The following ISM1 variants were observed in gnomAD, a reference collection of about 807,000 sequenced individuals.
ISM1 encodes isthmin 1.
A neutral mutation model predicts 46.3 loss-of-function variants in ISM1; 25 were observed. The ratio of observed to expected loss-of-function variants is 0.54; its 90% CI spans 0.39 to 0.75. ISM1 has a LOEUF of 0.75. Ranked by LOEUF, ISM1 falls within the 30% of genes least tolerant of loss-of-function variation. The probability of loss-of-function intolerance (pLI) is 0.00; values close to 1 mark genes in which losing one functional copy is unlikely to be tolerated. For missense variants in ISM1, 536 were observed against 625.4 expected (o/e 0.86, Z 1.52); for synonymous variants, 255 against 256.7 (o/e 0.99, Z 0.06).
chr20:13,292,066 C>G (rs1046747743), intron 4 of ISM1, among the ~76,000 whole-genome samples: 2 of 152,196 alleles, frequency 1.3e-5, no homozygotes, highest in African/African-American at 4.8e-5. Flanking sequence ...GTTTGTCACC[C>G]TGACACCATC....
chr20:13,251,576 A>G (rs1263833632), intron 1 of ISM1, among the ~76,000 whole-genome samples: 2 of 152,180 alleles, frequency 1.3e-5, no homozygotes, highest in African/African-American at 4.8e-5. Flanking sequence ...GCAGGGAGCA[A>G]GGGGACCAGC....
At chr20:13,224,345 G>A (rs974438107) in intron 1 of ISM1, among the ~76,000 whole-genome samples, 4 of 152,168 alleles carry the variant, frequency 2.6e-5, no homozygotes. Flanking sequence ...AGAATGTTCT[G>A]CCAAATGAGG....
At chr20:13,295,573 C>T (rs1410519037) in intron 5 of ISM1, among the ~76,000 whole-genome samples, 1 of 152,152 alleles carries the variant, frequency 6.6e-6, no homozygotes, top group African/African-American at 2.4e-5. Flanking sequence ...TTAGACACCT[C>T]CAAGACCCAG....
At chr20:13,227,033 T>C (rs563827650) in intron 1 of ISM1, among the ~76,000 whole-genome samples, 1 of 152,232 alleles carries the variant, frequency 6.6e-6, no homozygotes, top group South Asian at 2.1e-4. Context: ...GGTGACTGTA[T>C]TTTTATCAAG....
the ISM1 span, among the ~76,000 whole-genome samples, chr20:13,322,534 G>C: frequency 1.3e-5 from 2 of 152,156 alleles, no homozygotes; most frequent in Non-Finnish European, 2.9e-5. Context: ...CAAAGCTTTT[G>C]CTTTGTTTCT....
At chr20:13,313,250 C>G in the ISM1 span, among the ~76,000 whole-genome samples, 1,310 of 152,314 alleles carry the variant, frequency 8.6e-3, 26 homozygotes, top group African/African-American at 0.03. Context: ...AATTTCCCCC[C>G]ACACGCACCT....
At chr20:13,260,198 T>C (rs917891919) in intron 1 of ISM1, among the ~76,000 whole-genome samples, 3 of 152,352 alleles carry the variant, frequency 2.0e-5, no homozygotes, top group Middle Eastern at 3.4e-3. Flanking sequence ...TCTTCACCTC[T>C]GGCCATATGT....
the ISM1 span, among the ~76,000 whole-genome samples, chr20:13,306,402 A>C: frequency 6.6e-6 from 1 of 152,064 alleles, no homozygotes; most frequent in African/African-American, 2.4e-5. Context: ...AAATTTTAAC[A>C]AGCACCACTT....
chr20:13,304,480 G>C (rs1379396287), downstream of ISM1, among the ~76,000 whole-genome samples: 1 of 152,178 alleles, frequency 6.6e-6, no homozygotes, highest in Non-Finnish European at 1.5e-5. Context: ...CCATTGTCCA[G>C]TGCTTTTGCT....
intron 3 of ISM1, 30 bp downstream of exon 3, chr20:13,279,928 G>T: frequency 6.2e-6 from 10 of 1,601,672 alleles, no homozygotes; most frequent in Non-Finnish European, 8.5e-6. Context: ...ATATAAAATT[G>T]GTGGGAAGAA....
chr20:13,301,802 G>A (rs1415298936), downstream of ISM1, among the ~76,000 whole-genome samples: 1 of 152,080 alleles, frequency 6.6e-6, no homozygotes, highest in Admixed American at 6.6e-5. Context: ...TTAGTCACAT[G>A]AACAGCTCAA....
At chr20:13,298,472 A>C (rs2040427925) in intron 5 of ISM1, among the ~76,000 whole-genome samples, 1 of 152,204 alleles carries the variant, frequency 6.6e-6, no homozygotes, top group Non-Finnish European at 1.5e-5. Flanking sequence ...GTTTGTTAGG[A>C]GTGATAATCG....
At chr20:13,290,254 T>C (rs992978460) in intron 4 of ISM1, among the ~76,000 whole-genome samples, 6 of 150,180 alleles carry the variant, frequency 4.0e-5, no homozygotes, top group Non-Finnish European at 7.4e-5. Flanking sequence ...CAATAAATAA[T>C]AACAATATGA....
At chr20:13,293,525 C>T (rs2040376337) in intron 5 of ISM1, among the ~76,000 whole-genome samples, 1 of 151,666 alleles carries the variant, frequency 6.6e-6, no homozygotes, top group African/African-American at 2.4e-5. Flanking sequence ...CATAGCCCTG[C>T]AATTTGGGAG....
chr20:13,264,020 G>A (rs1303563656), intron 1 of ISM1, among the ~76,000 whole-genome samples: 1 of 152,124 alleles, frequency 6.6e-6, no homozygotes, highest in African/African-American at 2.4e-5. Flanking sequence ...AATGAGGCCT[G>A]TAGCCTGAGC....
At chr20:13,228,197 T>C (rs1274387561) in intron 1 of ISM1, among the ~76,000 whole-genome samples, 2 of 152,028 alleles carry the variant, frequency 1.3e-5, no homozygotes, top group Non-Finnish European at 2.9e-5. Context: ...GGTCTCGAAC[T>C]CTTCATCTCA....
At chr20:13,276,969 T>C (rs1183262382) in intron 2 of ISM1, among the ~76,000 whole-genome samples, 1 of 152,148 alleles carries the variant, frequency 6.6e-6, no homozygotes, top group Non-Finnish European at 1.5e-5. Flanking sequence ...TGTTTTGTGT[T>C]TTGTTTTTGT....
At chr20:13,273,022 CA>C (rs1482448951) in intron 2 of ISM1, among the ~76,000 whole-genome samples, 7 of 152,126 alleles carry the variant, frequency 4.6e-5, no homozygotes, top group African/African-American at 1.7e-4. Flanking sequence ...ATTACTAACG[CA>C]AAGTCATAGG....
chr20:13,326,360 TGTATATGTATATATTCGATTTAA>T, the ISM1 span, among the ~76,000 whole-genome samples: 1 of 152,172 alleles, frequency 6.6e-6, no homozygotes, highest in Non-Finnish European at 1.5e-5. Flanking sequence ...TCATGTAGTA[TGTATATGTATATATTCGATTTAA>T]GTATATGTAT....
Sources: allele counts gnomAD v4.1 joint callset (sites outside exome capture counted in the v4.1 genomes callset), GRCh38; gene constraint gnomAD v4.1.1; transcripts MANE v1.5; gene names NCBI Gene and HGNC (gene_info 2026-07-23, HGNC 2026-07-21).